SLC4A4: variants seen among roughly 807,000 people sequenced by gnomAD.
SLC4A4 encodes electrogenic sodium bicarbonate cotransporter 1.
Under a neutral mutation model 111.5 loss-of-function variants are expected in SLC4A4, and 27 were observed. The observed-to-expected ratio is 0.24, with a 90% confidence interval of 0.18 to 0.33. The LOEUF is 0.33. Among genes scored for constraint, SLC4A4 ranks in the 10% least tolerant of loss-of-function variants. The pLI is 1.00. For synonymous variants in SLC4A4, 443 were observed against 463.4 expected (o/e 0.96, Z 0.57); for missense variants, 909 against 1,315.5 (o/e 0.69, Z 4.78).
In SLC4A4 at chr4:71,450,408, A is replaced by T. The variant is rs200568322; in HGVS notation, c.1073A>T (p.Tyr358Phe). ...CTTTAGGTGTTCCATGACATTGCTT[A>T]TAAAGCAAAAGACAGGCACGACCTG... Reference protein sequence around the residue: ...MSDEVFHDIAYKAKDRHDLIA... With the variant: ...MSDEVFHDIAFKAKDRHDLIA... Residue 358 changes from tyrosine to phenylalanine, a missense_variant, in exon 10 of 26, where the codon TAT (tyrosine) becomes TTT (phenylalanine). By Grantham distance (22) the Tyr-to-Phe change is conservative. Transcript: ENST00000264485. The T allele has an allele frequency of 6.2e-7, 1 of 1,610,940 alleles. No homozygotes were observed. Among genetic ancestry groups the T allele is most frequent in the East Asian group, 2.2e-5 (1 of 44,840 alleles).
At chr4:71,559,800 A>G (rs947370596) in intron 22 of SLC4A4, among the ~76,000 whole-genome samples, 4 of 151,902 alleles carry the variant, frequency 2.6e-5, no homozygotes, top group African/African-American at 9.7e-5. Context: ...ATGGAAGGCA[A>G]TGGTTTTGAA....
chr4:71,569,728 GTTAA>G lies in SLC4A4; in HGVS notation c.*1982_*1985del, dbSNP rs1737789544. The G allele has an allele frequency of 6.6e-6, 1 of 151,510 alleles. No homozygotes were observed. Among genetic ancestry groups the G allele is most frequent in the African/African-American group, 2.4e-5 (1 of 41,322 alleles). The allele number at this position is 151,510 out of a possible 1,614,324, so 9.4% of individuals were successfully genotyped here. On this transcript the variant is annotated 3_prime_UTR_variant, in exon 26 of 26. Coordinates refer to ENST00000264485, the MANE Select transcript of SLC4A4 (RefSeq NM_001098484.3). ...CTTATTGACTCCCACTCATTGTTATGTTAATTAAGTTATTATTCTGTCTCCTTGT... is the reference window on the plus strand; with the variant it reads ...CTTATTGACTCCCACTCATTGTTATGTTAAGTTATTATTCTGTCTCCTTGT...
At chr4:71,216,377 A>G (rs963946654) in intron 1 of SLC4A4, among the ~76,000 whole-genome samples, 2 of 151,934 alleles carry the variant, frequency 1.3e-5, no homozygotes, top group Non-Finnish European at 2.9e-5. Context: ...TTTAAGTTTT[A>G]TTCTTGTCAA....
At chr4:71,461,285 A>G (rs1414772547) in intron 12 of SLC4A4, among the ~76,000 whole-genome samples, 1 of 152,004 alleles carries the variant, frequency 6.6e-6, no homozygotes, top group Non-Finnish European at 1.5e-5. Flanking sequence ...TGGGTGGAAA[A>G]TTGTCAAAAA....
intron 14 of SLC4A4, among the ~76,000 whole-genome samples, chr4:71,473,675 A>C (rs1178332740): frequency 6.6e-6 from 1 of 151,856 alleles, no homozygotes; most frequent in African/African-American, 2.4e-5. Context: ...CATACCAAAC[A>C]TGAGTTGACA....
intron 2 of SLC4A4, among the ~76,000 whole-genome samples, chr4:71,102,845 G>A (rs1384289306): frequency 6.6e-6 from 1 of 151,654 alleles, no homozygotes; most frequent in Non-Finnish European, 1.5e-5. Flanking sequence ...ATCGAGACTA[G>A]GAAGAAACTG....
At chr4:71,566,916 T>C (rs893234922) in intron 24 of SLC4A4, 88 bp from the exon 25 acceptor site, 49 of 989,144 alleles carry the variant, frequency 5.0e-5, no homozygotes, top group Admixed American at 4.8e-4. Context: ...TTACCAGTTA[T>C]GGAAGATGCA....
intron 1 of SLC4A4, among the ~76,000 whole-genome samples, chr4:71,201,739 T>A (rs1746262986): frequency 6.6e-6 from 1 of 152,210 alleles, no homozygotes; most frequent in African/African-American, 2.4e-5. Context: ...CTCTCCTTAT[T>A]TTTTTAAATT....
At chr4:71,441,210 C>A (rs190477113) in intron 8 of SLC4A4, among the ~76,000 whole-genome samples, 1 of 152,258 alleles carries the variant, frequency 6.6e-6, no homozygotes, top group East Asian at 1.9e-4. Flanking sequence ...ATATTAAAAT[C>A]ATCAAGCTGT....
intron 1 of SLC4A4, among the ~76,000 whole-genome samples, chr4:71,091,505 G>A (rs186115661): frequency 3.4e-4 from 51 of 151,810 alleles, no homozygotes; most frequent in African/African-American, 1.1e-3. Flanking sequence ...TGCTTGTCTC[G>A]GCCTCCCAAA....
At chr4:71,374,333 A>G (rs1018165006) in intron 6 of SLC4A4, among the ~76,000 whole-genome samples, 23 of 152,200 alleles carry the variant, frequency 1.5e-4, no homozygotes, top group African/African-American at 5.5e-4. Context: ...AGCAATTCCA[A>G]GTACAACTTT....
At chr4:71,114,377 CT>C (rs1743190785) in intron 2 of SLC4A4, among the ~76,000 whole-genome samples, 1 of 151,266 alleles carries the variant, frequency 6.6e-6, no homozygotes, top group South Asian at 2.1e-4. Flanking sequence ...GCAAAAGAAA[CT>C]ACCATCAGAG....
At chr4:71,484,488 T>G (rs1310927145) in intron 14 of SLC4A4, among the ~76,000 whole-genome samples, 1 of 151,732 alleles carries the variant, frequency 6.6e-6, no homozygotes, top group African/African-American at 2.4e-5. Context: ...AGATGTGCAG[T>G]CTTATTTCTG....
chr4:71,422,213 AC>A (rs1430762079), intron 7 of SLC4A4, among the ~76,000 whole-genome samples: 4 of 143,562 alleles, frequency 2.8e-5, no homozygotes, highest in African/African-American at 1.1e-4. Flanking sequence ...AAACACCTCT[AC>A]GCAAATAAAC....
chr4:71,171,233 G>A (rs925246943), intron 2 of SLC4A4, among the ~76,000 whole-genome samples: 2 of 151,918 alleles, frequency 1.3e-5, no homozygotes, highest in African/African-American at 2.4e-5. Context: ...GTGGCTTTGC[G>A]TGCAGGCTGG....
intron 3 of SLC4A4, among the ~76,000 whole-genome samples, chr4:71,306,066 A>G (rs934151020): frequency 1.1e-4 from 17 of 152,200 alleles, no homozygotes; most frequent in African/African-American, 3.9e-4. Context: ...TTCAACAACC[A>G]TTCCTTCCTA....
intron 2 of SLC4A4, among the ~76,000 whole-genome samples, chr4:71,102,452 T>C (rs1410174516): frequency 2.0e-5 from 3 of 151,224 alleles, no homozygotes; most frequent in Admixed American, 2.0e-4. Context: ...GAAGAGCAAC[T>C]CCAAGACACA....
chr4:71,414,624 A>G (rs1474389677), intron 7 of SLC4A4, among the ~76,000 whole-genome samples: 1 of 152,226 alleles, frequency 6.6e-6, no homozygotes, highest in East Asian at 1.9e-4. Flanking sequence ...GGGTATGTGC[A>G]GAAGAGAATG....
chr4:71,267,795 A>AAAAAAAAAAAAGAAAAAAAAAAAAAAAG lies in SLC4A4; in HGVS notation c.253+12407_253+12408insGAAAAAAAAAAAAAAAGAAAAAAAAAAA, dbSNP rs1240265053. On this transcript the variant is annotated intron_variant, in intron 3 of 25. Coordinates refer to ENST00000264485, the MANE Select transcript of SLC4A4 (RefSeq NM_001098484.3). ...GATGACAGAGTGAGAGTCTGCCAAA[A>AAAAAAAAAAAAGAAAAAAAAAAAAAAAG]AAAAAAAAAAAAAAAAAAAAAAAGA... Among the ~76,000 whole-genome samples the AAAAAAAAAAAAGAAAAAAAAAAAAAAAG allele has an allele frequency of 5.6e-4, 15 of 26,780 alleles. No individual in the cohort carries two copies. The Admixed American group carries it at 0.011, about 19-fold the overall frequency. The allele number at this position is 26,780 out of a possible 152,430, so 17.6% of individuals were successfully genotyped here.
Sources: allele counts gnomAD v4.1 joint callset (sites outside exome capture counted in the v4.1 genomes callset), GRCh38; gene constraint gnomAD v4.1.1; transcripts MANE v1.5; gene names NCBI Gene and HGNC (gene_info 2026-07-23, HGNC 2026-07-21).